TNFSF4: variants seen among roughly 807,000 people sequenced by gnomAD.
TNFSF4 encodes the protein TNF superfamily member 4.
Under a neutral mutation model 7.3 loss-of-function variants are expected in TNFSF4, and 4 were observed. The observed-to-expected ratio is 0.55, with a 90% confidence interval of 0.27 to 1.25. TNFSF4 has a LOEUF of 1.25. TNFSF4 is among the 50% of genes most tolerant of loss of function. The pLI is 0.12. For synonymous variants in TNFSF4, 76 were observed against 83.7 expected, an observed-to-expected ratio of 0.91 and a Z score of 0.50; for missense variants, 181 against 208.8, an observed-to-expected ratio of 0.87 and a Z score of 0.82.
the TNFSF4 span, among the ~76,000 whole-genome samples, chr1:173,382,387 C>A: frequency 6.6e-6 from 1 of 152,158 alleles, no homozygotes; most frequent in African/African-American, 2.4e-5. Context: ...CCGTGAGGGT[C>A]CACAGCTTCA....
the TNFSF4 span, among the ~76,000 whole-genome samples, chr1:173,293,941 T>G: frequency 1.3e-5 from 2 of 151,784 alleles, no homozygotes; most frequent in African/African-American, 4.8e-5. Context: ...TCAGAATAGC[T>G]ATTATTAAAA....
At chr1:173,281,039 GTGTTGAGTCTCAAAAAAA>G in the TNFSF4 span, among the ~76,000 whole-genome samples, 1 of 152,064 alleles carries the variant, frequency 6.6e-6, no homozygotes, top group Non-Finnish European at 1.5e-5. Context: ...GATAAAATCA[GTGTTGAGTCTCAAAAAAA>G]TGGGGAAATA....
chr1:173,375,029 A>G, the TNFSF4 span, among the ~76,000 whole-genome samples: 1 of 152,222 alleles, frequency 6.6e-6, no homozygotes, highest in African/African-American at 2.4e-5. Context: ...AAAACCGCTG[A>G]GGCCTAGACC....
the TNFSF4 span, among the ~76,000 whole-genome samples, chr1:173,393,584 A>G: frequency 6.6e-6 from 1 of 152,246 alleles, no homozygotes; most frequent in African/African-American, 2.4e-5. Context: ...AGATTCTGCT[A>G]CACTTTGGTG....
the TNFSF4 span, among the ~76,000 whole-genome samples, chr1:173,397,520 TG>T: frequency 6.6e-6 from 1 of 152,158 alleles, no homozygotes; most frequent in South Asian, 2.1e-4. Context: ...GAAAGTCAGG[TG>T]ATCAGTGGAA....
At chr1:173,358,336 A>G in the TNFSF4 span, among the ~76,000 whole-genome samples, 4 of 152,180 alleles carry the variant, frequency 2.6e-5, no homozygotes, top group African/African-American at 9.7e-5. Flanking sequence ...CCATTTGCCT[A>G]ATAAAATACC....
chr1:173,385,195 C>A, the TNFSF4 span, among the ~76,000 whole-genome samples: 312 of 152,262 alleles, frequency 2.0e-3, no homozygotes, highest in African/African-American at 6.1e-3. Context: ...TTATCTCTGG[C>A]CCTAATTATA....
chr1:173,337,354 G>T, the TNFSF4 span, among the ~76,000 whole-genome samples: 2 of 152,170 alleles, frequency 1.3e-5, no homozygotes, highest in Non-Finnish European at 2.9e-5. Context: ...AAGCCATAAA[G>T]TTGGGTGTGC....
At chr1:173,191,108 A>C (rs1649457567) in intron 1 of TNFSF4, among the ~76,000 whole-genome samples, 1 of 152,228 alleles carries the variant, frequency 6.6e-6, no homozygotes. Context: ...ATCTCCAAAA[A>C]TATCCTGCAA....
chr1:173,299,533 C>T, the TNFSF4 span, among the ~76,000 whole-genome samples: 147,083 of 151,938 alleles, frequency 0.97, 71,339 homozygotes, highest in East Asian at 1. Flanking sequence ...CAAACAAATC[C>T]CCTTGAAATA....
chr1:173,313,303 T>C, the TNFSF4 span, among the ~76,000 whole-genome samples: 2 of 152,098 alleles, frequency 1.3e-5, no homozygotes, highest in Non-Finnish European at 2.9e-5. Context: ...AGCATTTTAA[T>C]AGAAAGTTTA....
chr1:173,217,654 T>A, the TNFSF4 span, among the ~76,000 whole-genome samples: 2 of 152,212 alleles, frequency 1.3e-5, no homozygotes, highest in African/African-American at 4.8e-5. Context: ...ACTAGGCTAG[T>A]GCCACATATC....
chr1:173,226,368 G>T, the TNFSF4 span, among the ~76,000 whole-genome samples: 3 of 152,162 alleles, frequency 2.0e-5, no homozygotes, highest in Non-Finnish European at 4.4e-5. Context: ...AAAGGAAATT[G>T]CTTGCCCTGG....
the TNFSF4 span, among the ~76,000 whole-genome samples, chr1:173,341,148 A>G: frequency 6.6e-6 from 1 of 152,150 alleles, no homozygotes; most frequent in African/African-American, 2.4e-5. Flanking sequence ...GCCATGCTGT[A>G]CTGTGAGTCA....
the TNFSF4 span, among the ~76,000 whole-genome samples, chr1:173,248,533 A>G: frequency 6.6e-6 from 1 of 151,540 alleles, no homozygotes; most frequent in African/African-American, 2.4e-5. Context: ...AAGGAAGGAG[A>G]AAAGAAAAGA....
At chr1:173,422,136 A>AAGG in the TNFSF4 span, among the ~76,000 whole-genome samples, 1 of 152,196 alleles carries the variant, frequency 6.6e-6, no homozygotes, top group Non-Finnish European at 1.5e-5. Context: ...TAAACATGCA[A>AAGG]AGTGCTTAGA....
At chr1:173,212,080 GAT>G (rs1440313499), upstream of TNFSF4, among the ~76,000 whole-genome samples, 1 of 152,194 alleles carries the variant, frequency 6.6e-6, no homozygotes, top group Non-Finnish European at 1.5e-5. Context: ...AGAGTGTGGA[GAT>G]ATCACATGGT....
At chr1:173,345,917 T>C in the TNFSF4 span, among the ~76,000 whole-genome samples, 1 of 152,078 alleles carries the variant, frequency 6.6e-6, no homozygotes, top group Non-Finnish European at 1.5e-5. Context: ...TGGTAAGTCC[T>C]AGGAATGGTT....
the TNFSF4 span, among the ~76,000 whole-genome samples, chr1:173,337,468 C>T: frequency 6.6e-6 from 1 of 152,168 alleles, no homozygotes; most frequent in African/African-American, 2.4e-5. Flanking sequence ...TGCTATACTA[C>T]CCTCTCTCTT....
Sources: gnomAD v4.1 joint callset for allele counts (sites outside exome capture counted in the v4.1 genomes callset) on GRCh38, gnomAD v4.1.1 for gene constraint, MANE v1.5 for transcripts, NCBI Gene and HGNC (gene_info 2026-07-23, HGNC 2026-07-21) for gene names.